Variants in LRRC4C observed in about 807,000 individuals in gnomAD.
LRRC4C encodes leucine-rich repeat-containing protein 4C.
LRRC4C carries 5 observed loss-of-function variants against 33.6 expected under a neutral mutation model. The ratio of observed to expected loss-of-function variants is 0.15; its 90% CI spans 0.08 to 0.31. The LOEUF is 0.31. Among genes scored for constraint, LRRC4C ranks in the 10% least tolerant of loss-of-function variants. The pLI is 1.00. For missense variants in LRRC4C, 560 were observed against 796.7 expected, an observed-to-expected ratio of 0.70 and a Z score of 3.58; for synonymous variants, 329 against 302.0, an observed-to-expected ratio of 1.09 and a Z score of -0.93.
chr11:40,622,968 T>G (rs1962596345), intron 3 of LRRC4C, among the ~76,000 whole-genome samples: 1 of 151,900 alleles, frequency 6.6e-6, no homozygotes, highest in Non-Finnish European at 1.5e-5. Context: ...CATGATTTAT[T>G]ATTATTTTTA....
intron 3 of LRRC4C, among the ~76,000 whole-genome samples, chr11:40,621,258 T>A (rs1001622123): frequency 4.0e-5 from 6 of 151,680 alleles, no homozygotes; most frequent in Admixed American, 2.0e-4. Context: ...TCTTTTTTTT[T>A]AATCCTGAAA....
At chr11:40,432,961 G>A (rs979360559) in intron 3 of LRRC4C, among the ~76,000 whole-genome samples, 9 of 141,618 alleles carry the variant, frequency 6.4e-5, no homozygotes, top group Non-Finnish European at 1.0e-4. Context: ...ATGGATATAC[G>A]TTTTAAGTAA....
At chr11:40,961,874 G>T (rs1851000926) in intron 1 of LRRC4C, among the ~76,000 whole-genome samples, 1 of 151,632 alleles carries the variant, frequency 6.6e-6, no homozygotes, top group Non-Finnish European at 1.5e-5. Context: ...GATGCTGTGT[G>T]TTTAGGGTAG....
intron 3 of LRRC4C, among the ~76,000 whole-genome samples, chr11:40,622,838 A>G (rs2135961723): frequency 1.3e-5 from 2 of 151,986 alleles, no homozygotes; most frequent in South Asian, 4.1e-4. Context: ...GTACATAGCT[A>G]GTAAAATCTT....
intron 1 of LRRC4C, among the ~76,000 whole-genome samples, chr11:41,069,999 G>C (rs1938557664): frequency 6.6e-6 from 1 of 152,068 alleles, no homozygotes; most frequent in Non-Finnish European, 1.5e-5. Flanking sequence ...GAAGCATCAT[G>C]TTACCTGACT....
At chr11:41,281,956 A>G (rs1225055663) in intron 1 of LRRC4C, among the ~76,000 whole-genome samples, 1 of 152,246 alleles carries the variant, frequency 6.6e-6, no homozygotes, top group African/African-American at 2.4e-5. Context: ...AGTTCATTTT[A>G]TCTCAGAAAT....
intron 3 of LRRC4C, among the ~76,000 whole-genome samples, chr11:40,436,863 T>G (rs1174408774): frequency 6.6e-6 from 1 of 152,042 alleles, no homozygotes; most frequent in Non-Finnish European, 1.5e-5. Flanking sequence ...AGACCTCTGG[T>G]TGCTTACTGA....
intron 2 of LRRC4C, among the ~76,000 whole-genome samples, chr11:40,887,015 CACAT>C (rs1280717810): frequency 4.7e-4 from 70 of 150,526 alleles, no homozygotes; most frequent in African/African-American, 1.7e-3. Context: ...CACACACACA[CACAT>C]ACGAGAAAAT....
chr11:41,166,710 T>C (rs994965250), intron 1 of LRRC4C, among the ~76,000 whole-genome samples: 4 of 152,192 alleles, frequency 2.6e-5, no homozygotes, highest in African/African-American at 7.2e-5. Flanking sequence ...AGGATTTATA[T>C]TTGCCACTGT....
chr11:40,568,018 A>G (rs1957834483), intron 3 of LRRC4C, among the ~76,000 whole-genome samples: 1 of 152,134 alleles, frequency 6.6e-6, no homozygotes. Context: ...AGTGATTACC[A>G]CTTCCTGAAA....
chr11:40,801,368 C>T (rs1271171650), intron 2 of LRRC4C, among the ~76,000 whole-genome samples: 1 of 152,108 alleles, frequency 6.6e-6, no homozygotes, highest in South Asian at 2.1e-4. Flanking sequence ...CTATATGAAA[C>T]CTTTTCTGAA....
intron 1 of LRRC4C, among the ~76,000 whole-genome samples, chr11:41,418,788 A>G (rs1954777810): frequency 6.6e-6 from 1 of 151,986 alleles, no homozygotes; most frequent in African/African-American, 2.4e-5. Flanking sequence ...AATGAATTGT[A>G]TTGATTGGGT....
chr11:41,120,643 A>G (rs3886949), intron 1 of LRRC4C, among the ~76,000 whole-genome samples: 155 of 152,040 alleles, frequency 1.0e-3, no homozygotes, highest in Non-Finnish European at 1.4e-3. Flanking sequence ...ACAGCTCTCA[A>G]TGAGTTCTTG....
intron 2 of LRRC4C, among the ~76,000 whole-genome samples, chr11:40,745,267 C>T (rs989474717): frequency 1.3e-5 from 2 of 152,024 alleles, no homozygotes; most frequent in African/African-American, 4.8e-5. Context: ...CTGTTCTTTC[C>T]AAAGGGTAGG....
At chr11:40,892,065 G>T (rs960045412) in intron 2 of LRRC4C, among the ~76,000 whole-genome samples, 1 of 151,104 alleles carries the variant, frequency 6.6e-6, no homozygotes, top group African/African-American at 2.4e-5. Context: ...AACCCGTGAG[G>T]CGGAGCTTGC....
intron 2 of LRRC4C, among the ~76,000 whole-genome samples, chr11:40,802,508 C>CAAAA (rs11385732): frequency 6.9e-6 from 1 of 144,818 alleles, no homozygotes; most frequent in Non-Finnish European, 1.5e-5. Context: ...TTAGAATAAG[C>CAAAA]AAAAAAAAAA....
intron 1 of LRRC4C, among the ~76,000 whole-genome samples, chr11:41,080,183 C>A (rs1489557497): frequency 6.6e-6 from 1 of 152,004 alleles, no homozygotes; most frequent in Non-Finnish European, 1.5e-5. Flanking sequence ...GATTTCCAAG[C>A]CATTTTTAAA....
In LRRC4C at chr11:40,532,032, A is replaced by G. The variant is rs191717676; in HGVS notation, c.-270+116110T>C. ...CCATGCATCTTGCTAGCCTTTTTAT[A>G]TGCATTTTCTTACTAAATTCTGCAA... On this transcript the variant is annotated intron_variant, in intron 3 of 6. Transcript: ENST00000528697. Among the ~76,000 whole-genome samples the G allele has an allele frequency of 4.3e-3, 641 of 148,098 alleles. 22 individuals carry two copies. Among genetic ancestry groups the G allele is most frequent in the Admixed American group, 0.031 (449 of 14,496 alleles).
At chr11:41,164,188 T>C (rs796809759) in intron 1 of LRRC4C, among the ~76,000 whole-genome samples, 293 of 26,036 alleles carry the variant, frequency 0.011, 1 homozygote, top group South Asian at 0.067. Flanking sequence ...TTTTACCTTT[T>C]TTATTTTTTT....
Sources: gnomAD v4.1 joint callset for allele counts (sites outside exome capture counted in the v4.1 genomes callset) on GRCh38, gnomAD v4.1.1 for gene constraint, MANE v1.5 for transcripts, NCBI Gene and HGNC (gene_info 2026-07-23, HGNC 2026-07-21) for gene names.